Variants in DPYD observed in about 807,000 individuals in gnomAD.
DPYD encodes the protein dihydropyrimidine dehydrogenase [NADP(+)].
A neutral mutation model predicts 116.2 loss-of-function variants in DPYD; 109 were observed. The observed-to-expected ratio is 0.94, with a 90% CI of 0.80 to 1.10. The LOEUF (loss-of-function observed/expected upper bound fraction) is 1.10. DPYD is among the 50% of genes least tolerant of loss of function. The pLI is 0.00. For synonymous variants in DPYD, 440 were observed against 432.0 expected (o/e 1.02, Z -0.23); for missense variants, 1,302 against 1,254.5 (o/e 1.04, Z -0.57).
At chr1:97,109,242 C>T (rs1651413093) in intron 20 of DPYD, among the ~76,000 whole-genome samples, 1 of 151,822 alleles carries the variant, frequency 6.6e-6, no homozygotes, top group South Asian at 2.1e-4. Flanking sequence ...CTCATTTATG[C>T]ACAATATAAT....
intron 3 of DPYD, among the ~76,000 whole-genome samples, chr1:97,770,110 A>G (rs996232346): frequency 5.3e-5 from 8 of 152,220 alleles, no homozygotes; most frequent in Non-Finnish European, 1.2e-4. Flanking sequence ...AGTGCTCATT[A>G]ATATGTTCAT....
chr1:97,692,203 CAT>C (rs939100768), intron 6 of DPYD, among the ~76,000 whole-genome samples: 133 of 151,626 alleles, frequency 8.8e-4, no homozygotes, highest in Middle Eastern at 3.5e-3. Flanking sequence ...TATGTATACA[CAT>C]ATATATATAC....
chr1:97,079,119 G>T lies in DPYD; in HGVS notation c.2935C>A (p.Leu979Met), dbSNP rs1293139100. ...QAIQFDPETH[L>M]PTITDTCTGC... ...GTACAAGTGTCGGTTATGGTGGGCA[G>T]GTGGGTTTCTGGATCAAACTGTATA... is the stretch of plus-strand genomic sequence containing the variant. The change falls in exon 23 of 23, where the codon CTG becomes ATG. Residue 979 changes from leucine (L) to methionine (M), a missense_variant. Transcript: ENST00000370192. 6.2e-7 allele frequency: 1 copy of T among 1,613,616 alleles called. No homozygotes were observed. The highest frequency in any genetic ancestry group is 1.7e-5 in the Admixed American group (1 of 59,988).
intron 2 of DPYD, among the ~76,000 whole-genome samples, chr1:97,843,990 G>C (rs1166438400): frequency 6.6e-6 from 1 of 152,164 alleles, no homozygotes; most frequent in East Asian, 1.9e-4. Context: ...ACACTACAGG[G>C]AAAGAAAGGA....
At chr1:97,404,603 C>T (rs762800584) in intron 14 of DPYD, among the ~76,000 whole-genome samples, 3 of 152,000 alleles carry the variant, frequency 2.0e-5, no homozygotes, top group African/African-American at 7.2e-5. Flanking sequence ...ATTAATATGG[C>T]TACTCCTGCT....
chr1:97,406,542 T>A (rs1673666621), intron 14 of DPYD, among the ~76,000 whole-genome samples: 1 of 151,416 alleles, frequency 6.6e-6, no homozygotes, highest in Non-Finnish European at 1.5e-5. Context: ...CCTAATGCTA[T>A]CCCTCCCCTA....
chr1:97,310,825 T>C (rs1353729725), intron 16 of DPYD, among the ~76,000 whole-genome samples: 1 of 151,780 alleles, frequency 6.6e-6, no homozygotes, highest in Non-Finnish European at 1.5e-5. Flanking sequence ...TTTTTCAAAA[T>C]AGGCCCAAAT....
intron 4 of DPYD, among the ~76,000 whole-genome samples, chr1:97,727,329 G>A (rs1240607130): frequency 2.0e-5 from 3 of 151,696 alleles, no homozygotes; most frequent in South Asian, 2.1e-4. Context: ...TTGGCAATTT[G>A]GCTGAGGTAA....
intron 8 of DPYD, among the ~76,000 whole-genome samples, chr1:97,614,271 T>C (rs576426387): frequency 6.6e-6 from 1 of 152,188 alleles, no homozygotes; most frequent in African/African-American, 2.4e-5. Flanking sequence ...GTTAAGGTAC[T>C]ACAAGAGTTA....
intron 18 of DPYD, among the ~76,000 whole-genome samples, chr1:97,299,282 A>G (rs992564530): frequency 1.3e-5 from 2 of 152,152 alleles, no homozygotes; most frequent in Non-Finnish European, 2.9e-5. Flanking sequence ...TTCTTTATGA[A>G]AAAACACACA....
chr1:97,459,976 G>A (rs1676926569), intron 13 of DPYD, among the ~76,000 whole-genome samples: 1 of 152,140 alleles, frequency 6.6e-6, no homozygotes, highest in Non-Finnish European at 1.5e-5. Context: ...TTTCGAGGGA[G>A]GAGAAAGGAA....
intron 14 of DPYD, among the ~76,000 whole-genome samples, chr1:97,446,396 A>C (rs1676088905): frequency 6.6e-6 from 1 of 152,208 alleles, no homozygotes; most frequent in African/African-American, 2.4e-5. Context: ...CAATATTTAG[A>C]GGCTATTTGT....
chr1:97,300,160 A>C (rs771473402), intron 18 of DPYD, among the ~76,000 whole-genome samples: 10 of 152,128 alleles, frequency 6.6e-5, no homozygotes, highest in Non-Finnish European at 1.0e-4. Flanking sequence ...ACATAGGTGA[A>C]TAACAGGCCA....
At chr1:97,907,902 C>T (rs1673724010) in intron 1 of DPYD, among the ~76,000 whole-genome samples, 1 of 152,104 alleles carries the variant, frequency 6.6e-6, no homozygotes, top group Non-Finnish European at 1.5e-5. Flanking sequence ...GTAAAGGTGT[C>T]AACCTTGTCA....
At chr1:97,119,049 T>C (rs1652213469) in intron 20 of DPYD, among the ~76,000 whole-genome samples, 3 of 152,128 alleles carry the variant, frequency 2.0e-5, no homozygotes, top group Admixed American at 2.0e-4. Context: ...CTTCAGGTAT[T>C]GGGAATTTTG....
chr1:97,813,400 A>T (rs1668425017), intron 3 of DPYD, among the ~76,000 whole-genome samples: 1 of 152,170 alleles, frequency 6.6e-6, no homozygotes, highest in African/African-American at 2.4e-5. Flanking sequence ...ATGAAGAAAA[A>T]ATATGACAAT....
chr1:97,438,627 G>A (rs1675594479), intron 14 of DPYD, among the ~76,000 whole-genome samples: 1 of 151,874 alleles, frequency 6.6e-6, no homozygotes, highest in South Asian at 2.1e-4. Flanking sequence ...GGATAGGCAA[G>A]TTAGGTATTT....
chr1:97,313,725 C>T (rs1180593673), intron 16 of DPYD, among the ~76,000 whole-genome samples: 3 of 152,062 alleles, frequency 2.0e-5, no homozygotes, highest in Admixed American at 6.6e-5. Flanking sequence ...TTCCATCTCA[C>T]TTCAGCATAG....
chr1:97,329,564 T>C (rs757834964), intron 16 of DPYD, among the ~76,000 whole-genome samples: 4 of 151,514 alleles, frequency 2.6e-5, no homozygotes, highest in Non-Finnish European at 5.9e-5. Flanking sequence ...CTGGCCAACA[T>C]GGCAAAACCC....
Sources: gnomAD v4.1 joint callset for allele counts (sites outside exome capture counted in the v4.1 genomes callset) on GRCh38, gnomAD v4.1.1 for gene constraint, MANE v1.5 for transcripts, NCBI Gene and HGNC (gene_info 2026-07-23, HGNC 2026-07-21) for gene names.